FNDC3A: variants seen among roughly 807,000 people sequenced by gnomAD.
FNDC3A encodes the protein fibronectin type-III domain-containing protein 3A.
FNDC3A carries 32 observed loss-of-function variants against 148.9 expected under a neutral mutation model. The observed-to-expected ratio is 0.21, with a 90% CI of 0.16 to 0.29. FNDC3A has a LOEUF of 0.29. Ranked by LOEUF, FNDC3A falls within the 10% of genes least tolerant of loss-of-function variation. FNDC3A has a pLI of 1.00. For missense variants in FNDC3A, 1,191 were observed against 1,452.8 expected (o/e 0.82, Z 2.93); for synonymous variants, 472 against 473.6 (o/e 1.00, Z 0.04).
In FNDC3A at chr13:49,138,791, A is replaced by C; in HGVS notation, c.805A>C (p.Ile269Leu). 6.6e-7 allele frequency: 1 copy of C among 1,505,358 alleles called. No homozygotes were observed. 93.3% of individuals were successfully genotyped at this position (1,505,358 alleles called of 1,614,324 possible). A position where few individuals can be genotyped will look rare whatever the true frequency, so the allele number is the denominator to read the frequency against. Residue 269 changes from isoleucine to leucine, a missense_variant, in exon 7 of 26, where the codon ATT (isoleucine) becomes CTT (leucine). Transcript: ENST00000492622. Reference protein sequence around the residue: ...TKAFEALLSNIVKPVASDIQA... With the variant: ...TKAFEALLSNLVKPVASDIQA... ...AGCATTTGAAGCACTTCTTTCCAACATTGTCAAACCAGTGGTAAGTATCTT... is the reference window on the plus strand; with the variant it reads ...AGCATTTGAAGCACTTCTTTCCAACCTTGTCAAACCAGTGGTAAGTATCTT...
chr13:49,134,910 A>G (rs1882262669), intron 5 of FNDC3A, among the ~76,000 whole-genome samples: 1 of 117,972 alleles, frequency 8.5e-6, no homozygotes, highest in Non-Finnish European at 1.6e-5. Context: ...GTGCAGTGGC[A>G]TGATCTCGGC....
chr13:49,070,301 A>G (rs2137764821), intron 2 of FNDC3A, among the ~76,000 whole-genome samples: 1 of 152,192 alleles, frequency 6.6e-6, no homozygotes, highest in Admixed American at 6.5e-5. Flanking sequence ...CCAGCTAATA[A>G]GTAGTGTTAA....
At chr13:48,984,885 A>G (rs760065330) in intron 1 of FNDC3A, among the ~76,000 whole-genome samples, 18 of 152,000 alleles carry the variant, frequency 1.2e-4, no homozygotes, top group Non-Finnish European at 2.4e-4. Context: ...GGGTTTCACC[A>G]TGTTGTCCAG....
In FNDC3A at chr13:49,207,273, G is replaced by A. The variant is rs566627743; in HGVS notation, c.3475G>A (p.Val1159Met). 1 of 1,614,202 alleles carries A rather than the reference G, an allele frequency of 6.2e-7. No individual in the cohort carries two copies. Among genetic ancestry groups the A allele is most frequent in the Non-Finnish European group, 8.5e-7 (1 of 1,180,018 alleles). The part of the protein sequence containing the change: ...EPPASTNRDT[V>M]ESTRTRRALS... ...ACCAGCCAGCACCAACAGAGACACT[G>A]TGGAAAGCACAAGGACCCGACGGGC... The change falls in exon 26 of 26, where the codon GTG (valine) becomes ATG (methionine). Residue 1159 changes from valine (V) to methionine (M), a missense_variant. Val to Met is a conservative substitution (Grantham distance 21, BLOSUM62 1). This residue lies in a region of FNDC3A where 751 missense variants were observed against 944.0 expected (regional missense o/e 0.80). Coordinates refer to ENST00000492622, the MANE Select transcript of FNDC3A (RefSeq NM_001079673.2).
chr13:49,115,185 G>C (rs1486118971), intron 4 of FNDC3A, among the ~76,000 whole-genome samples: 433 of 14,832 alleles, frequency 0.029, 4 homozygotes, highest in African/African-American at 0.12. Context: ...GAGGGATGAG[G>C]GGGGGGGGGA....
intron 3 of FNDC3A, among the ~76,000 whole-genome samples, chr13:49,111,401 A>G (rs2137867301): frequency 6.6e-6 from 1 of 152,290 alleles, no homozygotes; most frequent in East Asian, 1.9e-4. Flanking sequence ...TATTTTAGGC[A>G]TTAAATATGA....
intron 2 of FNDC3A, among the ~76,000 whole-genome samples, chr13:49,070,894 G>GTTTTTTTTTTTTTTTTTTT (rs930772693): frequency 7.4e-6 from 1 of 135,430 alleles, no homozygotes; most frequent in Non-Finnish European, 1.5e-5. Context: ...TTTTTTTTTT[G>GTTTTTTTTTTTTTTTTTTT]TTTTGTTTTT....
chr13:48,998,836 C>T (rs553285527), intron 1 of FNDC3A, among the ~76,000 whole-genome samples: 1 of 152,268 alleles, frequency 6.6e-6, no homozygotes, highest in South Asian at 2.1e-4. Context: ...ACCTAATAGC[C>T]ATCTCAACCG....
rs1882974529 is a variant in FNDC3A, at chr13:49,146,016, C to T, written c.977+81C>T. 3.9e-6 allele frequency: 4 copies of T among 1,023,926 alleles called. No individual in the cohort carries two copies. In the East Asian group the frequency reaches 1.0e-4, roughly 27 times the overall value. 63.4% of individuals were successfully genotyped at this position (1,023,926 alleles called of 1,614,324 possible). Reference sequence around the variant, plus strand: ...AGAGCTTATTACTAATTTTGCTCTACTTTTCCTTCTTCACGCTTTTATTCT... The same window carrying T: ...AGAGCTTATTACTAATTTTGCTCTATTTTTCCTTCTTCACGCTTTTATTCT... On this transcript the variant is annotated intron_variant, in intron 8 of 25. Transcript: ENST00000492622.
intron 2 of FNDC3A, among the ~76,000 whole-genome samples, chr13:49,069,412 C>G (rs1230587362): frequency 1.3e-5 from 2 of 152,124 alleles, no homozygotes; most frequent in South Asian, 4.1e-4. Flanking sequence ...TCTCACCCTT[C>G]CCGTGTTCCC....
At chr13:48,991,089 C>T (rs1049212899) in intron 1 of FNDC3A, among the ~76,000 whole-genome samples, 8 of 152,124 alleles carry the variant, frequency 5.3e-5, no homozygotes, top group Non-Finnish European at 8.8e-5. Context: ...TAAATCCAGT[C>T]GTATCAACAA....
At chr13:49,175,289 A>G (rs1201570595) in intron 12 of FNDC3A, 78 bp from the exon 13 acceptor site, 4 of 1,025,880 alleles carry the variant, frequency 3.9e-6, no homozygotes, top group Non-Finnish European at 5.4e-6. Context: ...TTTCCAAAAA[A>G]ATTACATCTG....
At chr13:48,982,257 T>G (rs1320065921) in intron 1 of FNDC3A, among the ~76,000 whole-genome samples, 1 of 152,144 alleles carries the variant, frequency 6.6e-6, no homozygotes, top group African/African-American at 2.4e-5. Context: ...TCTAAATTTT[T>G]TTTGTTTTCT....
chr13:49,155,432 A>T (rs1175516967), intron 8 of FNDC3A, among the ~76,000 whole-genome samples: 3 of 147,886 alleles, frequency 2.0e-5, no homozygotes, highest in South Asian at 2.2e-4. Context: ...TAGTCTTGCT[A>T]GCGGTCTATC....
intron 2 of FNDC3A, among the ~76,000 whole-genome samples, chr13:49,014,396 C>A (rs1242251911): frequency 2.6e-5 from 3 of 117,250 alleles, no homozygotes; most frequent in African/African-American, 9.9e-5. Flanking sequence ...TAAATGTCTT[C>A]TTTTGAGAAG....
At chr13:49,000,810 A>G (rs938445260) in intron 1 of FNDC3A, among the ~76,000 whole-genome samples, 4 of 152,062 alleles carry the variant, frequency 2.6e-5, no homozygotes, top group African/African-American at 4.8e-5. Context: ...ATTCCTAAGT[A>G]CTTTATTCTT....
At chr13:48,983,728 T>C (rs2137549329) in intron 1 of FNDC3A, among the ~76,000 whole-genome samples, 1 of 152,328 alleles carries the variant, frequency 6.6e-6, no homozygotes, top group Non-Finnish European at 1.5e-5. Flanking sequence ...AAACTTTATA[T>C]GTATCAGTTT....
chr13:49,131,936 C>G (rs1593635252), intron 5 of FNDC3A, among the ~76,000 whole-genome samples: 1 of 152,206 alleles, frequency 6.6e-6, no homozygotes. Context: ...ACTGCCTTCT[C>G]GATAACTTCA....
intron 1 of FNDC3A, among the ~76,000 whole-genome samples, chr13:48,979,030 T>C (rs548761344): frequency 9.2e-5 from 14 of 152,298 alleles, no homozygotes; most frequent in African/African-American, 3.4e-4. Flanking sequence ...GTCTTTAATA[T>C]ATACTTTCAA....
Sources: allele counts gnomAD v4.1 joint callset (sites outside exome capture counted in the v4.1 genomes callset), GRCh38; gene constraint gnomAD v4.1.1; regional missense constraint gnomAD v4.1.1; transcripts MANE v1.5; gene names NCBI Gene and HGNC (gene_info 2026-07-23, HGNC 2026-07-21).